Variants in DPYD observed in about 807,000 individuals in gnomAD.
DPYD encodes dihydropyrimidine dehydrogenase, also known as dihydropyrimidine dehydrogenase [NADP(+)].
Under a neutral mutation model 116.2 loss-of-function variants are expected in DPYD, and 109 were observed. That is an observed-to-expected ratio of 0.94 (90% confidence interval 0.80 to 1.10). DPYD has a LOEUF of 1.10. Among genes scored for constraint, DPYD ranks in the 50% least tolerant of loss-of-function variants. The probability of loss-of-function intolerance (pLI) is 0.00; values close to 1 mark genes in which losing one functional copy is unlikely to be tolerated. For missense variants in DPYD, 1,302 were observed against 1,254.5 expected, an observed-to-expected ratio of 1.04 and a Z score of -0.57; for synonymous variants, 440 against 432.0, an observed-to-expected ratio of 1.02 and a Z score of -0.23.
At chr1:97,346,094 T>C (rs1250047057) in intron 16 of DPYD, among the ~76,000 whole-genome samples, 1 of 151,874 alleles carries the variant, frequency 6.6e-6, no homozygotes, top group Non-Finnish European at 1.5e-5. Flanking sequence ...TAGTATTAAA[T>C]GTTTTTATCT....
chr1:97,745,129 T>A (rs1290338760), intron 3 of DPYD, among the ~76,000 whole-genome samples: 3 of 152,042 alleles, frequency 2.0e-5, no homozygotes, highest in African/African-American at 7.2e-5. Context: ...CTTTTCTGAT[T>A]ACACCACAGG....
At chr1:97,467,452 C>T (rs936653578) in intron 13 of DPYD, among the ~76,000 whole-genome samples, 13 of 152,168 alleles carry the variant, frequency 8.5e-5, no homozygotes, top group Non-Finnish European at 1.9e-4. Context: ...AATGTGAAAC[C>T]TCCATGTATT....
chr1:97,368,926 AT>A (rs879892357), intron 16 of DPYD, among the ~76,000 whole-genome samples: 3 of 152,242 alleles, frequency 2.0e-5, no homozygotes, highest in East Asian at 1.9e-4. Flanking sequence ...AAATAATAGG[AT>A]TTTTTTGCCA....
chr1:97,678,833 A>G (rs538274714), intron 8 of DPYD, among the ~76,000 whole-genome samples: 44 of 152,160 alleles, frequency 2.9e-4, no homozygotes, highest in African/African-American at 1.1e-3. Context: ...TTTTCTTCCT[A>G]GAGATTCTCA....
In DPYD at chr1:97,746,140, C is replaced by CA. The variant is rs572340429; in HGVS notation, c.234-5662dup. Among the ~76,000 whole-genome samples the CA allele has an allele frequency of 3.3e-5, 5 of 152,162 alleles. 1 individual carries two copies. In the South Asian group the frequency reaches 1.0e-3, roughly 32 times the overall value. On this transcript the variant is annotated intron_variant, in intron 3 of 22. Coordinates refer to ENST00000370192, the MANE Select transcript of DPYD (RefSeq NM_000110.4). ...TAGTAGTCATTGAGGCACTATGACT[C>CA]AGAGAAGGAAAGTGACTTGTCCTAA...
At chr1:97,661,140 G>T (rs193206204) in intron 8 of DPYD, among the ~76,000 whole-genome samples, 2 of 152,206 alleles carry the variant, frequency 1.3e-5, no homozygotes, top group Admixed American at 6.5e-5. Context: ...TTAGCATAAT[G>T]CCAGTTATGT....
At chr1:97,714,274 C>T (rs974198530) in intron 5 of DPYD, among the ~76,000 whole-genome samples, 3 of 151,960 alleles carry the variant, frequency 2.0e-5, no homozygotes, top group Non-Finnish European at 2.9e-5. Context: ...TGTGTAGTGG[C>T]GCAATCTCGG....
At chr1:97,523,970 T>A (rs1648872130) in intron 12 of DPYD, among the ~76,000 whole-genome samples, 1 of 152,154 alleles carries the variant, frequency 6.6e-6, no homozygotes, top group South Asian at 2.1e-4. Context: ...TGGTAAATTT[T>A]ATATTATGTA....
chr1:97,472,882 T>G (rs1677739590), intron 13 of DPYD, among the ~76,000 whole-genome samples: 1 of 152,246 alleles, frequency 6.6e-6, no homozygotes, highest in Non-Finnish European at 1.5e-5. Flanking sequence ...ATATGCAATG[T>G]GATGACTTCA....
intron 8 of DPYD, among the ~76,000 whole-genome samples, chr1:97,622,445 T>A (rs1656684713): frequency 6.6e-6 from 1 of 151,734 alleles, no homozygotes; most frequent in South Asian, 2.1e-4. Flanking sequence ...ATAAGGAAAG[T>A]CTGAAAAAAC....
chr1:97,607,944 T>C (rs1655703690), intron 8 of DPYD, among the ~76,000 whole-genome samples: 1 of 151,928 alleles, frequency 6.6e-6, no homozygotes, highest in African/African-American at 2.4e-5. Flanking sequence ...CAAAAAAGAT[T>C]TATTGAAAGA....
intron 4 of DPYD, among the ~76,000 whole-genome samples, chr1:97,734,475 A>AT (rs1002478458): frequency 9.9e-5 from 15 of 151,928 alleles, no homozygotes; most frequent in Admixed American, 3.9e-4. Flanking sequence ...TTTTGTCTTC[A>AT]TTTTTTAAAG....
intron 11 of DPYD, among the ~76,000 whole-genome samples, chr1:97,552,629 T>A (rs1651406888): frequency 6.6e-6 from 1 of 152,088 alleles, no homozygotes; most frequent in African/African-American, 2.4e-5. Context: ...CCTTAATATT[T>A]GATTTATTTA....
At chr1:97,803,591 G>A in intron 3 of DPYD, among the ~76,000 whole-genome samples, 1 of 151,722 alleles carries the variant, frequency 6.6e-6, no homozygotes. Context: ...AGAGAGATGA[G>A]AAATATTTTG....
intron 8 of DPYD, among the ~76,000 whole-genome samples, chr1:97,662,547 G>A (rs981261711): frequency 2.6e-5 from 4 of 151,932 alleles, no homozygotes; most frequent in African/African-American, 9.7e-5. Context: ...GCAGGAGAAT[G>A]GCTGGAATCC....
intron 3 of DPYD, among the ~76,000 whole-genome samples, chr1:97,768,413 C>T (rs1472811447): frequency 6.6e-6 from 1 of 152,142 alleles, no homozygotes; most frequent in Non-Finnish European, 1.5e-5. Flanking sequence ...TTTTTGCAAG[C>T]ATTGCCCAAC....
At chr1:97,512,197 T>C (rs529698937) in intron 13 of DPYD, among the ~76,000 whole-genome samples, 1 of 151,974 alleles carries the variant, frequency 6.6e-6, no homozygotes, top group South Asian at 2.1e-4. Context: ...GGGTATAAGG[T>C]TGTGTTTTAC....
chr1:97,801,706 A>G (rs1667854108), intron 3 of DPYD, among the ~76,000 whole-genome samples: 1 of 151,836 alleles, frequency 6.6e-6, no homozygotes, highest in Non-Finnish European at 1.5e-5. Flanking sequence ...GGGATCAGCA[A>G]ATGGAAAGGC....
intron 10 of DPYD, among the ~76,000 whole-genome samples, chr1:97,581,614 C>T (rs557089726): frequency 1.3e-5 from 2 of 151,612 alleles, no homozygotes; most frequent in Admixed American, 6.6e-5. Context: ...GGTATGGTGG[C>T]ATCTGCCTGT....
Sources: gnomAD v4.1 joint callset for allele counts (sites outside exome capture counted in the v4.1 genomes callset) on GRCh38, gnomAD v4.1.1 for gene constraint, MANE v1.5 for transcripts, NCBI Gene and HGNC (gene_info 2026-07-23, HGNC 2026-07-21) for gene names.